ZFHX4: variants seen among roughly 807,000 people sequenced by gnomAD.
ZFHX4 encodes zinc finger homeobox protein 4.
In ZFHX4, 56 loss-of-function variants were observed where a neutral mutation model predicts 267.6. That is an observed-to-expected ratio of 0.21 (90% CI 0.17 to 0.26). The LOEUF is 0.26. ZFHX4 is among the 10% of genes least tolerant of loss of function. ZFHX4 has a pLI of 1.00. For synonymous variants in ZFHX4, 1,778 were observed against 1,665.6 expected, an observed-to-expected ratio of 1.07 and a Z score of -1.64; for missense variants, 4,332 against 4,420.0, an observed-to-expected ratio of 0.98 and a Z score of 0.56.
chr8:76,778,101 G>C (rs11782906), intron 3 of ZFHX4, 107 bp from the exon 4 acceptor site: 1 of 732,254 alleles, frequency 1.4e-6, no homozygotes, highest in Non-Finnish European at 2.4e-6. Flanking sequence ...AAATGCATTT[G>C]AGCATCTGTG....
rs1348026466 is a variant in ZFHX4, at chr8:76,704,375, T to C, written c.287T>C (p.Met96Thr). Residue 96 changes from methionine to threonine, a missense_variant, in exon 2 of 11, where the codon ATG (methionine) becomes ACG (threonine). Physicochemically the swap from Met to Thr is moderately conservative, Grantham distance 81 (BLOSUM62 -1). Coordinates refer to ENST00000651372, the MANE Select transcript of ZFHX4 (RefSeq NM_024721.5). ...TCTTTTCCCAGTTTACAGAAATACA[T>C]GGAACACCACTGCCCTAATGCCCGC... ...ATSFPSLQKY[M>T]EHHCPNARLP... 1.2e-6 allele frequency: 2 copies of C among 1,613,958 alleles called. No individual in the cohort carries two copies. Among genetic ancestry groups the C allele is most frequent in the Non-Finnish European group, 1.7e-6 (2 of 1,179,864 alleles).
intron 3 of ZFHX4, among the ~76,000 whole-genome samples, chr8:76,769,839 A>AT (rs1435876514): frequency 3.3e-5 from 5 of 152,074 alleles, no homozygotes; most frequent in African/African-American, 4.8e-5. Context: ...CATAAATTAC[A>AT]TTTTTTCCTG....
chr8:76,863,517 C>T lies in ZFHX4; in HGVS notation c.9803C>T (p.Pro3268Leu), dbSNP rs759598741. The T allele has an allele frequency of 6.2e-7, 1 of 1,613,504 alleles. No homozygotes were observed. The highest frequency in any genetic ancestry group is 1.1e-5 in the South Asian group (1 of 90,982). ...IGGQFLPYFI[P>L]GFASYFTPQL... ...GGACAGTTCTTGCCATACTTTATCC[C>T]TGGGTTTGCTTCTTATTTTACACCT... Residue 3268 changes from proline to leucine, a missense_variant, in exon 11 of 11, where the codon CCT becomes CTT. Pro to Leu is a moderately conservative substitution (Grantham distance 98). Transcript: ENST00000651372.
At position 76,841,546 on chromosome 8, in the gene ZFHX4, A is replaced by G. The variant is rs189569519; in HGVS notation, c.3395-1109A>G. On this transcript the variant is annotated intron_variant, in intron 5 of 10. Transcript: ENST00000651372. ...AATTGTATCATGTTCTCTGCATAAA[A>G]GCTCTGCTTATCAAAAGCAAATAGA... Among the ~76,000 whole-genome samples, 754 of 152,262 alleles carry G rather than the reference A, an allele frequency of 5.0e-3. 18 individuals are homozygous for G. The highest frequency in any genetic ancestry group is 0.048 in the Admixed American group (727 of 15,296).
intron 1 of ZFHX4, chr8:76,693,405 TATA>T (rs1807871254): frequency 6.6e-6 from 1 of 152,174 alleles, no homozygotes; most frequent in Non-Finnish European, 1.5e-5. Flanking sequence ...TCAGAAGGGA[TATA>T]GCACAATCCC....
chr8:76,855,917 A>C lies in ZFHX4; in HGVS notation c.8996A>C (p.Gln2999Pro). The change falls in exon 10 of 11, where the codon CAA becomes CCA. Residue 2999 changes from glutamine (Q) to proline (P), a missense_variant. By Grantham distance (76) the Gln-to-Pro change is moderately conservative. Around this residue, in one of 7 missense-constraint regions of ZFHX4, gnomAD observed 1,648 missense variants for 1,625.0 expected, o/e 1.01. Coordinates refer to ENST00000651372, the MANE Select transcript of ZFHX4 (RefSeq NM_024721.5). ...ATAGGGAAGCCTTTCATGATCAATC[A>C]AGGCGGAACGGAAGGCACCAAACCA... ...INIGKPFMINQGGTEGTKPEC... is the reference protein window; with the variant it reads ...INIGKPFMINPGGTEGTKPEC... 6.2e-7 allele frequency: 1 copy of C among 1,613,908 alleles called. No homozygotes were observed. The highest frequency in any genetic ancestry group is 8.5e-7 in the Non-Finnish European group (1 of 1,179,872).
chr8:76,738,064 G>A lies in ZFHX4; in HGVS notation c.3093+30016G>A, dbSNP rs16939346. 1.7e-3 allele frequency among the ~76,000 whole-genome samples: 258 copies of A among 152,274 alleles called. 1 individual carries two copies. The highest frequency in any genetic ancestry group is 6.0e-3 in the African/African-American group (250 of 41,556). On this transcript the variant is annotated intron_variant, in intron 3 of 10. Transcript: ENST00000651372. ...GTGATTCAGTTATATGTAGAGCTAA[G>A]CACCTCACAAATTAATGAGCTAAGG...
At chr8:76,859,141 T>C (rs1812805121) in intron 10 of ZFHX4, among the ~76,000 whole-genome samples, 1 of 152,234 alleles carries the variant, frequency 6.6e-6, no homozygotes, top group Admixed American at 6.5e-5. Context: ...GAGGTAGAAT[T>C]GTTTTTCTGG....
chr8:76,855,443 A>C lies in ZFHX4; in HGVS notation c.8522A>C (p.Glu2841Ala), dbSNP rs779089586. 3 of 1,613,620 alleles carry C rather than the reference A, an allele frequency of 1.9e-6. No homozygotes were observed. Among genetic ancestry groups the C allele is most frequent in the Non-Finnish European group, 2.5e-6 (3 of 1,179,828 alleles). Residue 2841 changes from glutamate (E) to alanine (A), a missense_variant, in exon 10 of 11, where the codon GAG (glutamate) becomes GCG (alanine). Coordinates refer to ENST00000651372, the MANE Select transcript of ZFHX4 (RefSeq NM_024721.5). ...GDVKPALSPK[E>A]PKTLDTLPKP... The stretch of plus-strand genomic sequence containing the variant: ...GTGAAACCGGCTTTGTCTCCCAAAG[A>C]GCCAAAAACTCTGGATACTCTGCCA...
At chr8:76,764,538 T>C (rs1810002284) in intron 3 of ZFHX4, among the ~76,000 whole-genome samples, 1 of 152,208 alleles carries the variant, frequency 6.6e-6, no homozygotes, top group African/African-American at 2.4e-5. Context: ...AACAATGGTC[T>C]TGATAGATTT....
chr8:76,763,106 T>C (rs78710026), intron 3 of ZFHX4, among the ~76,000 whole-genome samples: 229 of 152,294 alleles, frequency 1.5e-3, no homozygotes, highest in African/African-American at 5.2e-3. Flanking sequence ...AGAGACACCA[T>C]TGTCATTGTT....
chr8:76,767,449 C>T (rs1282300992), intron 3 of ZFHX4, among the ~76,000 whole-genome samples: 1 of 152,116 alleles, frequency 6.6e-6, no homozygotes, highest in Non-Finnish European at 1.5e-5. Context: ...TCTCCCACCT[C>T]TTCTGTGTTC....
At chr8:76,813,451 T>C (rs2131848974) in intron 4 of ZFHX4, among the ~76,000 whole-genome samples, 1 of 152,280 alleles carries the variant, frequency 6.6e-6, no homozygotes, top group African/African-American at 2.4e-5. Flanking sequence ...GTTGAGATTT[T>C]TGGAGAATTA....
intron 3 of ZFHX4, among the ~76,000 whole-genome samples, chr8:76,742,088 A>G (rs955206034): frequency 6.6e-6 from 1 of 152,186 alleles, no homozygotes; most frequent in Non-Finnish European, 1.5e-5. Flanking sequence ...ATGTGTTGCT[A>G]GAGGGATAAA....
rs1812595480 is a variant in ZFHX4, at chr8:76,853,143, C to T, written c.6222C>T (p.Asp2074=). ...AGGTCCAACTGCCGGTTTCTCTGGACCTGCCGCTCTTTCCTTCCATTATGA... is the reference window on the plus strand; with the variant it reads ...AGGTCCAACTGCCGGTTTCTCTGGATCTGCCGCTCTTTCCTTCCATTATGA... ...PPQVQLPVSL[D]LPLFPSIMMQ... The change falls in exon 10 of 11, where the codon GAC becomes GAT. Residue 2074 remains aspartate, a synonymous_variant. Transcript: ENST00000651372. 1.3e-6 allele frequency: 2 copies of T among 1,509,638 alleles called. No homozygotes were observed. The highest frequency in any genetic ancestry group is 5.3e-5 in the East Asian group (2 of 37,604). 93.5% of individuals were successfully genotyped at this position (1,509,638 alleles called of 1,614,324 possible).
At chr8:76,773,474 T>C (rs1038647255) in intron 3 of ZFHX4, among the ~76,000 whole-genome samples, 6 of 152,198 alleles carry the variant, frequency 3.9e-5, no homozygotes, top group African/African-American at 1.4e-4. Context: ...GTTGATTTAA[T>C]TTTTAAGTGC....
intron 1 of ZFHX4, among the ~76,000 whole-genome samples, chr8:76,684,712 A>C (rs1807647997): frequency 6.6e-6 from 1 of 152,226 alleles, no homozygotes; most frequent in Non-Finnish European, 1.5e-5. Flanking sequence ...TTGCCACTTA[A>C]AGTTAAAAAT....
In ZFHX4 at chr8:76,863,384, T is replaced by C; in HGVS notation, c.9670T>C (p.Ser3224Pro). The change falls in exon 11 of 11, where the codon TCT becomes CCT. Residue 3224 changes from serine (S) to proline (P), a missense_variant. Physicochemically the swap from Ser to Pro is moderately conservative, Grantham distance 74. Around this residue, in one of 7 missense-constraint regions of ZFHX4, gnomAD observed 1,648 missense variants for 1,625.0 expected, o/e 1.01. Coordinates refer to ENST00000651372, the MANE Select transcript of ZFHX4 (RefSeq NM_024721.5). ...KHPKKEEKIS[S>P]ALSVLGKVVG... is the part of the protein sequence containing the mutation. ...CCCCAAAAAAGAGGAAAAAATCTCATCTGCTCTTTCAGTGTTGGGCAAAGT... is the reference window on the plus strand; with the variant it reads ...CCCCAAAAAAGAGGAAAAAATCTCACCTGCTCTTTCAGTGTTGGGCAAAGT... 3.1e-6 allele frequency: 5 copies of C among 1,613,972 alleles called. No homozygotes were observed. Among genetic ancestry groups the C allele is most frequent in the Non-Finnish European group, 3.4e-6 (4 of 1,179,860 alleles).
intron 5 of ZFHX4, among the ~76,000 whole-genome samples, chr8:76,835,760 T>C (rs1431897121): frequency 1.3e-5 from 2 of 151,272 alleles, no homozygotes; most frequent in Non-Finnish European, 2.9e-5. Flanking sequence ...AAATCAAGAG[T>C]TATGGCAAAC....
Sources: gnomAD v4.1 joint callset for allele counts (sites outside exome capture counted in the v4.1 genomes callset) on GRCh38, gnomAD v4.1.1 for gene constraint, gnomAD v4.1.1 regional missense constraint, MANE v1.5 for transcripts, NCBI Gene and HGNC (gene_info 2026-07-23, HGNC 2026-07-21) for gene names.